Variants in HSPA4 observed in about 807,000 individuals in gnomAD.
HSPA4 encodes heat shock protein family A (Hsp70) member 4, also known as heat shock 70 kDa protein 4.
HSPA4 carries 25 observed loss-of-function variants against 106.2 expected under a neutral mutation model. The observed-to-expected ratio is 0.24, with a 90% CI of 0.17 to 0.33. The LOEUF (loss-of-function observed/expected upper bound fraction) is 0.33, where lower values mean the gene tolerates loss of function less well. HSPA4 is among the 10% of genes least tolerant of loss of function. The pLI is 1.00. For missense variants in HSPA4, 841 were observed against 996.0 expected (o/e 0.84, Z 2.10); for synonymous variants, 332 against 333.6 (o/e 1.00, Z 0.05).
At chr5:133,102,618 C>G (rs532138833) in intron 17 of HSPA4, among the ~76,000 whole-genome samples, 1 of 152,296 alleles carries the variant, frequency 6.6e-6, no homozygotes, top group South Asian at 2.1e-4. Context: ...AGCCAGAAGT[C>G]TGACTCCAAA....
At chr5:133,061,343 C>T (rs1009855941) in intron 1 of HSPA4, among the ~76,000 whole-genome samples, 1 of 151,706 alleles carries the variant, frequency 6.6e-6, no homozygotes, top group Admixed American at 6.6e-5. Flanking sequence ...AGGATGGTCT[C>T]GATTTCTTGA....
intron 1 of HSPA4, among the ~76,000 whole-genome samples, chr5:133,060,155 AG>A (rs1765221312): frequency 7.0e-6 from 1 of 142,338 alleles, no homozygotes. Context: ...TGGTGGGGGG[AG>A]GGTTGTGGAA....
Position 133,105,365 on chromosome 5 carries a change from A to C in HSPA4, c.*929A>C, listed in dbSNP as rs1765843460. ...CTCATTCACAATCACTTGTGTGTTA[A>C]GTGTTAATATCTGTCATGAACCTGC... On this transcript the variant is annotated 3_prime_UTR_variant, in exon 19 of 19. Coordinates refer to ENST00000304858, the MANE Select transcript of HSPA4 (RefSeq NM_002154.4). 6.6e-6 allele frequency: 1 copy of C among 152,170 alleles called. No individual in the cohort carries two copies. Among genetic ancestry groups the C allele is most frequent in the Admixed American group, 6.5e-5 (1 of 15,284 alleles). 9.4% of individuals were successfully genotyped at this position (152,170 alleles called of 1,614,324 possible). A position where few individuals can be genotyped will look rare whatever the true frequency, so the allele number is the denominator to read the frequency against.
intron 1 of HSPA4, among the ~76,000 whole-genome samples, chr5:133,062,866 A>G (rs1327670635): frequency 2.6e-5 from 4 of 152,214 alleles, no homozygotes; most frequent in Non-Finnish European, 5.9e-5. Flanking sequence ...AGGGAGGCCC[A>G]GCATTCTGCC....
chr5:133,066,477 C>T (rs1765306569), intron 2 of HSPA4, among the ~76,000 whole-genome samples: 1 of 152,162 alleles, frequency 6.6e-6, no homozygotes, highest in Non-Finnish European at 1.5e-5. Flanking sequence ...GTCACCTGTT[C>T]AACCATTATC....
rs56373873 is a variant in HSPA4, at chr5:133,106,141, G to GGTGTGTGT, written c.*1719_*1726dup. 18 of 53,594 alleles carry GGTGTGTGT rather than the reference G, an allele frequency of 3.4e-4. No individual in the cohort carries two copies. The highest frequency in any genetic ancestry group is 4.1e-4 in the Non-Finnish European group (12 of 29,026). The allele number at this position is 53,594 out of a possible 1,614,324, so 3.3% of individuals were successfully genotyped here. On this transcript the variant is annotated 3_prime_UTR_variant, in exon 19 of 19. Transcript: ENST00000304858. ...TTTTTTTTTTTTTTTTTTTTTTTTT[G>GGTGTGTGT]GTGTGTGTGTGTGTGTGTGTGGGGA... is the stretch of plus-strand genomic sequence containing the variant.
At chr5:133,075,781 G>T (rs1426251268) in intron 6 of HSPA4, among the ~76,000 whole-genome samples, 2 of 152,080 alleles carry the variant, frequency 1.3e-5, no homozygotes, top group Non-Finnish European at 2.9e-5. Flanking sequence ...AGTGAGCTGA[G>T]ATTGTGCCAC....
chr5:133,092,123 A>G (rs1334675129), intron 12 of HSPA4, among the ~76,000 whole-genome samples: 2 of 152,216 alleles, frequency 1.3e-5, no homozygotes, highest in Non-Finnish European at 1.5e-5. Flanking sequence ...CTGAGGTAGC[A>G]GTAGTTTTAA....
intron 3 of HSPA4, among the ~76,000 whole-genome samples, chr5:133,069,098 G>C (rs1765348340): frequency 6.6e-6 from 1 of 152,186 alleles, no homozygotes; most frequent in African/African-American, 2.4e-5. Context: ...TTCTATTCTG[G>C]ATTGTAATTT....
intron 11 of HSPA4, among the ~76,000 whole-genome samples, chr5:133,090,714 C>T (rs1027001736): frequency 2.0e-5 from 3 of 151,924 alleles, no homozygotes; most frequent in Admixed American, 6.6e-5. Flanking sequence ...TCTGTAAAAC[C>T]AGGAATAACA....
chr5:133,059,447 C>CAAA (rs539958401), intron 1 of HSPA4, among the ~76,000 whole-genome samples: 185 of 126,008 alleles, frequency 1.5e-3, no homozygotes, highest in African/African-American at 4.9e-3. Context: ...GACTTTGTCT[C>CAAA]AAAAAAAAAA....
chr5:133,094,886 G>A (rs1371611448), intron 13 of HSPA4, among the ~76,000 whole-genome samples: 1 of 152,174 alleles, frequency 6.6e-6, no homozygotes, highest in Non-Finnish European at 1.5e-5. Flanking sequence ...AGTTGAAAAA[G>A]CTTGAAGTGA....
rs981473090 is a variant in HSPA4 at position 133,052,086 on chromosome 5, C to G, written c.-165C>G. ...CCGGAGCCGGCCTGAGCAGCGCTCTCGGTTGCAGTACCCACTGGAAGGACT... is the reference window on the plus strand; with the variant it reads ...CCGGAGCCGGCCTGAGCAGCGCTCTGGGTTGCAGTACCCACTGGAAGGACT... On this transcript the variant is annotated 5_prime_UTR_variant, in exon 1 of 19. Coordinates refer to ENST00000304858, the MANE Select transcript of HSPA4 (RefSeq NM_002154.4). The G allele has an allele frequency of 3.5e-6, 2 of 574,246 alleles. No homozygotes were observed. Among genetic ancestry groups the G allele is most frequent in the Non-Finnish European group, 6.2e-6 (2 of 323,772 alleles). The allele number at this position is 574,246 out of a possible 1,614,324, so 35.6% of individuals were successfully genotyped here.
At chr5:133,102,008 C>A (rs1460632956) in intron 17 of HSPA4, 130 bp downstream of exon 17, 2 of 569,618 alleles carry the variant, frequency 3.5e-6, no homozygotes, top group Non-Finnish European at 5.8e-6. Flanking sequence ...CTCAGTGCAA[C>A]CTCCACCTCC....
chr5:133,076,540 T>C, intron 6 of HSPA4, 114 bp from the exon 7 acceptor site: 1 of 913,512 alleles, frequency 1.1e-6, no homozygotes, highest in Non-Finnish European at 1.6e-6. Flanking sequence ...TGTTTTAACC[T>C]TAATGTAACC....
At position 133,052,078 on chromosome 5, in the gene HSPA4, A is replaced by G. The variant is rs1336900247; in HGVS notation, c.-173A>G. 1 of 566,156 alleles carries G rather than the reference A, an allele frequency of 1.8e-6. No individual in the cohort carries two copies. The highest frequency in any genetic ancestry group is 3.1e-6 in the Non-Finnish European group (1 of 319,200). 35.1% of individuals were successfully genotyped at this position (566,156 alleles called of 1,614,324 possible). A position where few individuals can be genotyped will look rare whatever the true frequency, so the allele number is the denominator to read the frequency against. ...CCACTGAGCCGGAGCCGGCCTGAGC[A>G]GCGCTCTCGGTTGCAGTACCCACTG... On this transcript the variant is annotated 5_prime_UTR_variant, in exon 1 of 19. Coordinates refer to ENST00000304858, the MANE Select transcript of HSPA4 (RefSeq NM_002154.4).
intron 1 of HSPA4, among the ~76,000 whole-genome samples, chr5:133,062,497 T>C (rs192388232): frequency 4.6e-5 from 7 of 152,286 alleles, no homozygotes; most frequent in Admixed American, 4.6e-4. Context: ...GTGGGTAAGA[T>C]TGCCTTGGGC....
At position 133,073,253 on chromosome 5, in the gene HSPA4, A is replaced by G. The variant is rs145291096; in HGVS notation, c.453A>G (p.Ala151=). The change falls in exon 5 of 19, where the codon GCA becomes GCG. Residue 151 remains alanine (A), a synonymous_variant. Coordinates refer to ENST00000304858, the MANE Select transcript of HSPA4 (RefSeq NM_002154.4). ...VVSVPCFYTD[A]ERRSVMDATQ... ...AGGTTCCTTGTTTCTATACTGATGC[A>G]GAAAGACGATCAGTGATGGATGCAA... The G allele has an allele frequency of 3.1e-4, 495 of 1,607,788 alleles. 2 individuals are homozygous for G. In the African/African-American group the frequency reaches 5.9e-3, roughly 19 times the overall value.
At position 133,105,522 on chromosome 5, in the gene HSPA4, C is replaced by A. The variant is rs1162580709; in HGVS notation, c.*1086C>A. The A allele has an allele frequency of 6.6e-6, 1 of 152,130 alleles. No individual in the cohort carries two copies. The highest frequency in any genetic ancestry group is 1.9e-4 in the East Asian group (1 of 5,188). The allele number at this position is 152,130 out of a possible 1,614,324, so 9.4% of individuals were successfully genotyped here. A position where few individuals can be genotyped will look rare whatever the true frequency, so the allele number is the denominator to read the frequency against. Reference sequence around the variant, plus strand: ...TGTTATAACAACACCTCATTCTTAACTGTGTGGCCAATGTCAGGTATACCA... The same window carrying A: ...TGTTATAACAACACCTCATTCTTAAATGTGTGGCCAATGTCAGGTATACCA... On this transcript the variant is annotated 3_prime_UTR_variant, in exon 19 of 19. Coordinates refer to ENST00000304858, the MANE Select transcript of HSPA4 (RefSeq NM_002154.4).
Sources: allele counts gnomAD v4.1 joint callset (sites outside exome capture counted in the v4.1 genomes callset), GRCh38; gene constraint gnomAD v4.1.1; transcripts MANE v1.5; gene names NCBI Gene and HGNC (gene_info 2026-07-23, HGNC 2026-07-21).